COL24A1: variants seen among roughly 807,000 people sequenced by gnomAD.
COL24A1 encodes collagen type XXIV alpha 1 chain.
In COL24A1, 224 loss-of-function variants were observed where a neutral mutation model predicts 253.9. That is an observed-to-expected ratio of 0.88 (90% CI 0.79 to 0.99). The LOEUF (loss-of-function observed/expected upper bound fraction) is 0.99. COL24A1 is among the 50% of genes least tolerant of loss of function. COL24A1 has a pLI of 0.00. For synonymous variants in COL24A1, 685 were observed against 673.7 expected (o/e 1.02, Z -0.26); for missense variants, 2,131 against 2,068.5 (o/e 1.03, Z -0.59).
intron 20 of COL24A1, among the ~76,000 whole-genome samples, chr1:85,984,526 T>C (rs1021836733): frequency 6.6e-6 from 1 of 151,788 alleles, no homozygotes; most frequent in African/African-American, 2.4e-5. Flanking sequence ...TCAACAAAGG[T>C]TGAATAAATA....
intron 55 of COL24A1, among the ~76,000 whole-genome samples, chr1:85,759,254 T>G (rs1415719386): frequency 1.3e-5 from 2 of 152,192 alleles, no homozygotes; most frequent in East Asian, 3.8e-4. Context: ...GCACTCAACA[T>G]TTATTAAGAG....
At chr1:85,863,441 A>C (rs1231508265) in intron 37 of COL24A1, among the ~76,000 whole-genome samples, 1 of 152,198 alleles carries the variant, frequency 6.6e-6, no homozygotes, top group East Asian at 1.9e-4. Flanking sequence ...CTAAAACCAT[A>C]AAAACCCTAG....
intron 5 of COL24A1, among the ~76,000 whole-genome samples, chr1:86,098,622 A>C (rs576018410): frequency 6.6e-6 from 1 of 152,336 alleles, no homozygotes; most frequent in African/African-American, 2.4e-5. Flanking sequence ...AGGAAGGGCC[A>C]TGCTTTAGAA....
Position 85,970,261 on chromosome 1 carries a change from C to T in COL24A1, c.2429G>A (p.Gly810Glu). ...PGLKGTQGEEGPIGAFGELGP... is the reference protein window; with the variant it reads ...PGLKGTQGEEEPIGAFGELGP... ...CAGTTCCCCAAAGGCTCCAATTGGT[C>T]CTTCTTCTCCCTTAAAAAAAAAAAA... The change falls in exon 22 of 60, where the codon GGA (glycine) becomes GAA (glutamate). Residue 810 changes from glycine (G) to glutamate (E), a missense_variant. By Grantham distance (98) the Gly-to-Glu change is moderately conservative. Coordinates refer to ENST00000370571, the MANE Select transcript of COL24A1 (RefSeq NM_152890.7). The T allele has an allele frequency of 6.3e-7, 1 of 1,590,130 alleles. No individual in the cohort carries two copies. The highest frequency in any genetic ancestry group is 8.5e-7 in the Non-Finnish European group (1 of 1,170,274).
chr1:85,823,582 G>A lies in COL24A1; in HGVS notation c.3743C>T (p.Pro1248Leu). ...TAGTCCTTGTTCACCCTGGTCACCTGGTTCGCCCTTTAGTAGAAACCAAAA... is the reference window on the plus strand; with the variant it reads ...TAGTCCTTGTTCACCCTGGTCACCTAGTTCGCCCTTTAGTAGAAACCAAAA... ...ATGQQGPPGE[P>L]GDQGEQGLKG... The change falls in exon 45 of 60, where the codon CCA (proline) becomes CTA (leucine). Residue 1248 changes from proline (P) to leucine (L), a missense_variant. Pro to Leu is a moderately conservative substitution (Grantham distance 98). Transcript: ENST00000370571. The A allele has an allele frequency of 6.2e-7, 1 of 1,613,928 alleles. No individual in the cohort carries two copies. Among genetic ancestry groups the A allele is most frequent in the Non-Finnish European group, 8.5e-7 (1 of 1,179,920 alleles).
intron 19 of COL24A1, among the ~76,000 whole-genome samples, chr1:86,011,652 TC>T (rs1397192546): frequency 2.0e-5 from 3 of 152,244 alleles, no homozygotes; most frequent in African/African-American, 7.2e-5. Context: ...TTAGTGTCTT[TC>T]TTTTATCACT....
chr1:86,145,747 G>A (rs1422265522), intron 2 of COL24A1, among the ~76,000 whole-genome samples: 1 of 151,858 alleles, frequency 6.6e-6, no homozygotes, highest in Admixed American at 6.6e-5. Context: ...AAATCTGGAC[G>A]GAACATTTTT....
intron 2 of COL24A1, among the ~76,000 whole-genome samples, chr1:86,139,053 A>ACT (rs1313617139): frequency 6.6e-6 from 1 of 152,096 alleles, no homozygotes; most frequent in Non-Finnish European, 1.5e-5. Context: ...AAGCTTACAA[A>ACT]GCTGACATAC....
chr1:85,786,428 C>G lies in COL24A1; in HGVS notation c.3985G>C (p.Ala1329Pro). ...ACTCCTGGAGGACCTGGAGCCCCAG[C>G]AAGACCTGTTCTTCCTGGGCCGCCT... ...IRGGPGRTGL[A>P]GAPGPPGVKG... Residue 1329 changes from alanine to proline, a missense_variant, in exon 48 of 60, where the codon GCT becomes CCT. Transcript: ENST00000370571. The G allele has an allele frequency of 6.2e-7, 1 of 1,613,706 alleles. No homozygotes were observed. The highest frequency in any genetic ancestry group is 1.1e-5 in the South Asian group (1 of 91,006).
chr1:86,150,482 C>A (rs1275081624), intron 1 of COL24A1, among the ~76,000 whole-genome samples: 1 of 152,066 alleles, frequency 6.6e-6, no homozygotes. Flanking sequence ...AAATAAAATA[C>A]AGGCAATTTT....
At chr1:85,941,089 T>C (rs906433306) in intron 24 of COL24A1, among the ~76,000 whole-genome samples, 10 of 152,218 alleles carry the variant, frequency 6.6e-5, no homozygotes, top group African/African-American at 2.4e-4. Context: ...ATGACACTTG[T>C]ATTGCAAAAC....
At chr1:86,146,021 T>C in intron 2 of COL24A1, 98 bp downstream of exon 2, 4 of 1,006,498 alleles carry the variant, frequency 4.0e-6, no homozygotes, top group Non-Finnish European at 6.0e-6. Flanking sequence ...TTGTTTAATG[T>C]TGAATTTACA....
chr1:86,037,160 T>G (rs1699096639), intron 12 of COL24A1, among the ~76,000 whole-genome samples: 1 of 152,150 alleles, frequency 6.6e-6, no homozygotes, highest in Non-Finnish European at 1.5e-5. Flanking sequence ...TGTAAATAAT[T>G]TTCTATTTTC....
chr1:85,774,072 G>C (rs1180129566), intron 53 of COL24A1, among the ~76,000 whole-genome samples: 2 of 151,938 alleles, frequency 1.3e-5, no homozygotes, highest in Non-Finnish European at 2.9e-5. Flanking sequence ...TGAGAGTTTT[G>C]GCATGAAAGG....
At chr1:86,021,109 AT>A (rs1234152062) in intron 18 of COL24A1, among the ~76,000 whole-genome samples, 1 of 152,126 alleles carries the variant, frequency 6.6e-6, no homozygotes, top group African/African-American at 2.4e-5. Context: ...GCTTCCTGAG[AT>A]TAAAAAAATA....
chr1:85,744,890 G>T, intron 56 of COL24A1, 56 bp from the exon 57 acceptor site: 1 of 1,337,804 alleles, frequency 7.5e-7, no homozygotes, highest in South Asian at 1.3e-5. Flanking sequence ...ACCAACATGG[G>T]CCAAGGCAGG....
intron 23 of COL24A1, among the ~76,000 whole-genome samples, chr1:85,963,860 G>T (rs947339893): frequency 2.0e-5 from 3 of 152,150 alleles, no homozygotes; most frequent in African/African-American, 4.8e-5. Context: ...CTATTTGGCA[G>T]TCTAGTAAAG....
At chr1:86,041,698 T>A (rs1699500654) in intron 12 of COL24A1, among the ~76,000 whole-genome samples, 1 of 152,070 alleles carries the variant, frequency 6.6e-6, no homozygotes, top group South Asian at 2.1e-4. Flanking sequence ...TATGAATCAG[T>A]GTACTTAGGC....
chr1:85,842,751 G>A (rs1218840990), intron 39 of COL24A1, among the ~76,000 whole-genome samples: 3 of 152,098 alleles, frequency 2.0e-5, no homozygotes, highest in Non-Finnish European at 4.4e-5. Flanking sequence ...ATTAGAGAGT[G>A]CAACCTGAGA....
Sources: allele counts gnomAD v4.1 joint callset (sites outside exome capture counted in the v4.1 genomes callset), GRCh38; gene constraint gnomAD v4.1.1; transcripts MANE v1.5; gene names NCBI Gene and HGNC (gene_info 2026-07-23, HGNC 2026-07-21).